Variants in CFAP299 observed in about 807,000 individuals in gnomAD.
The protein encoded by CFAP299 is cilia- and flagella-associated protein 299.
In CFAP299, 21 loss-of-function variants were observed where a neutral mutation model predicts 27.0. The observed-to-expected ratio is 0.78, with a 90% CI of 0.55 to 1.12. CFAP299 has a LOEUF of 1.12. Ranked by LOEUF, CFAP299 falls within the 50% of genes most tolerant of loss-of-function variation. The probability of loss-of-function intolerance (pLI) is 0.00; values close to 1 mark genes in which losing one functional copy is unlikely to be tolerated. For missense variants in CFAP299, 310 were observed against 276.6 expected, an observed-to-expected ratio of 1.12 and a Z score of -0.86; for synonymous variants, 104 against 98.1, an observed-to-expected ratio of 1.06 and a Z score of -0.36.
chr4:80,444,835 A>T (rs549528332), intron 2 of CFAP299, among the ~76,000 whole-genome samples: 44 of 152,216 alleles, frequency 2.9e-4, no homozygotes, highest in Non-Finnish European at 5.9e-4. Flanking sequence ...TTTACAAGAA[A>T]AAAACAACCC....
intron 2 of CFAP299, among the ~76,000 whole-genome samples, chr4:80,366,194 G>T (rs1723825570): frequency 6.6e-6 from 1 of 152,182 alleles, no homozygotes; most frequent in Non-Finnish European, 1.5e-5. Flanking sequence ...ACATCTGACT[G>T]CCAGCCAGCT....
chr4:80,902,074 A>G (rs1287666749), intron 4 of CFAP299, among the ~76,000 whole-genome samples: 1 of 151,928 alleles, frequency 6.6e-6, no homozygotes, highest in African/African-American at 2.4e-5. Context: ...AAACTGTGAT[A>G]TTTTCCAGCT....
At chr4:80,675,727 C>A (rs566867797) in intron 3 of CFAP299, among the ~76,000 whole-genome samples, 41 of 151,824 alleles carry the variant, frequency 2.7e-4, no homozygotes, top group African/African-American at 9.4e-4. Flanking sequence ...TATGTTTACC[C>A]ACTCAAGTCT....
At chr4:80,413,336 GAGAGA>G (rs1412139783) in intron 2 of CFAP299, among the ~76,000 whole-genome samples, 2 of 152,222 alleles carry the variant, frequency 1.3e-5, no homozygotes, top group Non-Finnish European at 2.9e-5. Context: ...GGATAAGAGT[GAGAGA>G]AGATAACAAG....
intron 4 of CFAP299, among the ~76,000 whole-genome samples, chr4:80,907,403 G>A (rs948614390): frequency 2.0e-5 from 3 of 152,044 alleles, no homozygotes; most frequent in Non-Finnish European, 4.4e-5. Flanking sequence ...CACATTTTTG[G>A]ATATCTTTAT....
At chr4:80,342,035 T>C (rs1184587628) in intron 1 of CFAP299, among the ~76,000 whole-genome samples, 1 of 152,132 alleles carries the variant, frequency 6.6e-6, no homozygotes, top group Non-Finnish European at 1.5e-5. Context: ...CAAGTATCAA[T>C]AGCAGAATAG....
intron 3 of CFAP299, among the ~76,000 whole-genome samples, chr4:80,692,389 C>T (rs1394892210): frequency 2.6e-5 from 4 of 152,108 alleles, no homozygotes; most frequent in Non-Finnish European, 4.4e-5. Flanking sequence ...GAAATAACGC[C>T]ACATATCTAC....
chr4:80,836,209 G>T lies in CFAP299; in HGVS notation c.334-33784G>T, dbSNP rs148221904. Among the ~76,000 whole-genome samples, 684 of 152,146 alleles carry T rather than the reference G, an allele frequency of 4.5e-3. 5 individuals are homozygous for T. The highest frequency in any genetic ancestry group is 7.8e-3 in the Non-Finnish European group (532 of 68,002). On this transcript the variant is annotated intron_variant, in intron 3 of 5. Coordinates refer to ENST00000358105, the MANE Select transcript of CFAP299 (RefSeq NM_152770.3). ...TAATTCCTGGCTGTAACTAATATTT[G>T]AATAACACTTTCTAATACACATGTA... is the stretch of plus-strand genomic sequence containing the variant.
At chr4:80,741,978 T>C (rs1451241207) in intron 3 of CFAP299, among the ~76,000 whole-genome samples, 1 of 152,128 alleles carries the variant, frequency 6.6e-6, no homozygotes, top group African/African-American at 2.4e-5. Flanking sequence ...AGGGCAGCAC[T>C]GAGTTCAATG....
At chr4:80,620,644 C>T (rs1049215676) in intron 3 of CFAP299, among the ~76,000 whole-genome samples, 1 of 152,052 alleles carries the variant, frequency 6.6e-6, no homozygotes, top group African/African-American at 2.4e-5. Context: ...ATTCTCATCC[C>T]TTGATTTAAT....
chr4:80,324,654 T>C, the CFAP299 span, among the ~76,000 whole-genome samples: 1 of 152,204 alleles, frequency 6.6e-6, no homozygotes, highest in East Asian at 1.9e-4. Context: ...AAATCAGGGA[T>C]ACTAACACTG....
intron 2 of CFAP299, among the ~76,000 whole-genome samples, chr4:80,562,899 C>G (rs1455559225): frequency 1.3e-5 from 2 of 151,726 alleles, no homozygotes; most frequent in African/African-American, 4.8e-5. Context: ...AGTCACTATA[C>G]TTATATCAGA....
intron 3 of CFAP299, among the ~76,000 whole-genome samples, chr4:80,699,286 CCT>C (rs1721313013): frequency 6.6e-6 from 1 of 152,132 alleles, no homozygotes; most frequent in Admixed American, 6.6e-5. Context: ...ATAGCAGACT[CCT>C]CTGATAGGCT....
chr4:80,403,024 T>C (rs940007648), intron 2 of CFAP299, among the ~76,000 whole-genome samples: 9 of 152,334 alleles, frequency 5.9e-5, no homozygotes, highest in Non-Finnish European at 1.2e-4. Flanking sequence ...ATGTCCTTAA[T>C]ATGTTTATTT....
intron 2 of CFAP299, among the ~76,000 whole-genome samples, chr4:80,479,754 C>A (rs1347224462): frequency 6.6e-6 from 1 of 151,824 alleles, no homozygotes; most frequent in African/African-American, 2.4e-5. Flanking sequence ...TTATGCAGAG[C>A]TACATTACTT....
intron 2 of CFAP299, among the ~76,000 whole-genome samples, chr4:80,380,373 A>C (rs1473935480): frequency 6.6e-6 from 1 of 152,014 alleles, no homozygotes; most frequent in East Asian, 1.9e-4. Flanking sequence ...AATTACATTT[A>C]AAAAATTATG....
chr4:80,371,665 G>C (rs1724158167), intron 2 of CFAP299, among the ~76,000 whole-genome samples: 1 of 151,262 alleles, frequency 6.6e-6, no homozygotes, highest in Admixed American at 6.6e-5. Flanking sequence ...CTAGAGCCAG[G>C]GCACAATGCA....
intron 3 of CFAP299, among the ~76,000 whole-genome samples, chr4:80,818,843 T>C (rs1326535588): frequency 2.0e-5 from 3 of 152,144 alleles, no homozygotes; most frequent in African/African-American, 7.2e-5. Context: ...CTAAACAGAA[T>C]ACTTAAGCAT....
chr4:80,639,967 C>G (rs1739644575), intron 3 of CFAP299: 1 of 152,176 alleles, frequency 6.6e-6, no homozygotes, highest in African/African-American at 2.4e-5. Flanking sequence ...CCACCATGCC[C>G]AGCCGGGGCA....
Sources: allele counts gnomAD v4.1 joint callset (sites outside exome capture counted in the v4.1 genomes callset), GRCh38; gene constraint gnomAD v4.1.1; transcripts MANE v1.5; gene names NCBI Gene and HGNC (gene_info 2026-07-23, HGNC 2026-07-21).